Variants in SLC14A2 observed in about 807,000 individuals in gnomAD.
SLC14A2 encodes urea transporter 2.
Under a neutral mutation model 104.6 loss-of-function variants are expected in SLC14A2, and 91 were observed. That is an observed-to-expected ratio of 0.87 (90% confidence interval 0.73 to 1.04). The LOEUF (loss-of-function observed/expected upper bound fraction) is 1.04. Ranked by LOEUF, SLC14A2 falls within the 50% of genes least tolerant of loss-of-function variation. The pLI is 0.00. For missense variants in SLC14A2, 1,189 were observed against 1,156.0 expected (o/e 1.03, Z -0.41); for synonymous variants, 476 against 466.4 (o/e 1.02, Z -0.27).
intron 1 of SLC14A2, among the ~76,000 whole-genome samples, chr18:45,331,843 C>T (rs1204130880): frequency 6.6e-6 from 1 of 152,190 alleles, no homozygotes; most frequent in African/African-American, 2.4e-5. Flanking sequence ...AACACTCAGA[C>T]CTGCTTTGAA....
At chr18:45,387,576 A>G (rs139435916) in intron 1 of SLC14A2, among the ~76,000 whole-genome samples, 22 of 152,314 alleles carry the variant, frequency 1.4e-4, no homozygotes, top group Non-Finnish European at 2.6e-4. Context: ...ATCTCTCTCA[A>G]TCAATATCAT....
chr18:45,183,456 A>T, the SLC14A2 span, among the ~76,000 whole-genome samples: 1 of 151,424 alleles, frequency 6.6e-6, no homozygotes, highest in South Asian at 2.1e-4. Flanking sequence ...ATTTTCTCAA[A>T]CTCCTATCCT....
chr18:45,284,180 T>C (rs1302761033), intron 1 of SLC14A2, among the ~76,000 whole-genome samples: 1 of 152,230 alleles, frequency 6.6e-6, no homozygotes, highest in Non-Finnish European at 1.5e-5. Flanking sequence ...GGCATTACAG[T>C]GTGTTATACA....
Position 45,666,201 on chromosome 18 carries a change from G to A in SLC14A2, c.1539G>A (p.Lys513=), listed in dbSNP as rs1568000974. The A allele has an allele frequency of 1.2e-6, 2 of 1,613,074 alleles. No individual in the cohort carries two copies. The highest frequency in any genetic ancestry group is 2.2e-5 in the South Asian group (2 of 91,060). ...NKDPFPYRYR[K]PTVELLDLDT... is the part of the protein sequence containing the mutation. ...ACCCATTTCCCTATCGATACCGGAA[G>A]CCCACAGTCGAGCTGCTTGTGAGTA... is the stretch of plus-strand genomic sequence containing the variant. Residue 513 remains lysine (K), a synonymous_variant, in exon 12 of 20, where the codon AAG becomes AAA. Transcript: ENST00000255226.
At chr18:45,649,554 C>T (rs192727263) in intron 10 of SLC14A2, among the ~76,000 whole-genome samples, 345 of 152,348 alleles carry the variant, frequency 2.3e-3, no homozygotes, top group Non-Finnish European at 4.3e-3. Context: ...ACTTTCCTCT[C>T]TTCTTCTTCC....
intron 1 of SLC14A2, among the ~76,000 whole-genome samples, chr18:45,616,962 G>T (rs1317514641): frequency 2.6e-5 from 4 of 152,142 alleles, no homozygotes; most frequent in Non-Finnish European, 1.5e-5. Context: ...GCTGGGCATG[G>T]TGGTGTGCGC....
In SLC14A2 at chr18:45,663,844, G is replaced by A. The variant is rs758517987; in HGVS notation, c.1411G>A (p.Val471Met). The A allele has an allele frequency of 1.7e-5, 27 of 1,613,118 alleles. No individual in the cohort carries two copies. The highest frequency in any genetic ancestry group is 2.2e-5 in the Non-Finnish European group (26 of 1,179,746). Residue 471 changes from valine to methionine, a missense_variant, in exon 11 of 20, where the codon GTG becomes ATG. Transcript: ENST00000255226. ...GPKVEEGSEAVLSKHRSVFHI... is the reference protein window; with the variant it reads ...GPKVEEGSEAMLSKHRSVFHI... ...AAAGGTGGAGGAGGGCTCGGAGGCT[G>A]TGCTCTCCAAGCACAGGAGTGTATT...
At chr18:45,543,205 C>CA (rs2043916702) in intron 2 of SLC14A2, among the ~76,000 whole-genome samples, 1 of 152,098 alleles carries the variant, frequency 6.6e-6, no homozygotes, top group South Asian at 2.1e-4. Context: ...TGCCCAGCCT[C>CA]CCAAAGTGCT....
In SLC14A2 at chr18:45,531,327, G is replaced by C. The variant is rs995493812; in HGVS notation, c.-35+48005G>C. Among the ~76,000 whole-genome samples, 381 of 152,272 alleles carry C rather than the reference G, an allele frequency of 2.5e-3. 2 individuals are homozygous for C. The highest frequency in any genetic ancestry group is 1.6e-3 in the Non-Finnish European group (107 of 68,008). On this transcript the variant is annotated intron_variant, in intron 2 of 20. Transcript: ENST00000586448. Reference sequence around the variant, plus strand: ...TTACAGTCCCACCAACAGTGTAAAAGTGTTCCTATTTCTCCACATCCTCTC... The same window carrying C: ...TTACAGTCCCACCAACAGTGTAAAACTGTTCCTATTTCTCCACATCCTCTC...
intron 1 of SLC14A2, among the ~76,000 whole-genome samples, chr18:45,231,817 C>T (rs894231542): frequency 1.3e-5 from 2 of 152,112 alleles, no homozygotes; most frequent in Non-Finnish European, 2.9e-5. Flanking sequence ...AGTTACTGAG[C>T]ATCTGTAAGT....
At chr18:45,473,913 T>C (rs1046421729) in intron 1 of SLC14A2, among the ~76,000 whole-genome samples, 1 of 152,218 alleles carries the variant, frequency 6.6e-6, no homozygotes, top group African/African-American at 2.4e-5. Context: ...TCCAATACTA[T>C]GTTGAATAGG....
intron 1 of SLC14A2, among the ~76,000 whole-genome samples, chr18:45,326,964 T>C (rs1440680417): frequency 6.6e-6 from 1 of 152,162 alleles, no homozygotes; most frequent in Non-Finnish European, 1.5e-5. Flanking sequence ...ACTTTTCCCT[T>C]CTCTATTTGA....
intron 1 of SLC14A2, among the ~76,000 whole-genome samples, chr18:45,243,892 C>G (rs2084342705): frequency 6.6e-6 from 1 of 152,222 alleles, no homozygotes; most frequent in African/African-American, 2.4e-5. Context: ...CCAGGTATGT[C>G]TGTCTACAGG....
chr18:45,182,641 A>G, the SLC14A2 span, among the ~76,000 whole-genome samples: 1 of 152,188 alleles, frequency 6.6e-6, no homozygotes, highest in African/African-American at 2.4e-5. Flanking sequence ...AACAGAAACT[A>G]TTATAAAAAA....
At chr18:45,206,406 CACACAT>C in the SLC14A2 span, among the ~76,000 whole-genome samples, 2 of 150,898 alleles carry the variant, frequency 1.3e-5, no homozygotes, top group Admixed American at 6.6e-5. Context: ...TTTCAGTACA[CACACAT>C]ACACATACAC....
intron 1 of SLC14A2, among the ~76,000 whole-genome samples, chr18:45,477,635 T>C (rs1014519007): frequency 9.2e-5 from 14 of 152,174 alleles, no homozygotes; most frequent in Non-Finnish European, 1.0e-4. Context: ...GTTTTATCTA[T>C]AAGCCCATGA....
intron 2 of SLC14A2, among the ~76,000 whole-genome samples, chr18:45,597,850 A>G (rs1038899412): frequency 1.3e-5 from 2 of 152,342 alleles, no homozygotes; most frequent in Non-Finnish European, 2.9e-5. Context: ...TGATGAAAAA[A>G]GTACATTCCA....
chr18:45,471,841 T>G (rs550802788), intron 1 of SLC14A2, among the ~76,000 whole-genome samples: 2 of 152,178 alleles, frequency 1.3e-5, no homozygotes, highest in African/African-American at 4.8e-5. Context: ...TTTGTTTCAT[T>G]GAGGCTTGTT....
the SLC14A2 span, chr18:45,181,196 G>C: frequency 6.6e-6 from 1 of 152,450 alleles, no homozygotes; most frequent in East Asian, 1.9e-4. Context: ...TGCACACGAA[G>C]TCTGTATGTC....
Sources: allele counts gnomAD v4.1 joint callset (sites outside exome capture counted in the v4.1 genomes callset), GRCh38; gene constraint gnomAD v4.1.1; transcripts MANE v1.5; gene names NCBI Gene and HGNC (gene_info 2026-07-23, HGNC 2026-07-21).